Variants in NDST4 observed in about 807,000 individuals in gnomAD.
The protein encoded by NDST4 is N-heparan sulfate sulfotransferase 4.
In NDST4, 63 loss-of-function variants were observed where a neutral mutation model predicts 100.8. The ratio of observed to expected loss-of-function variants is 0.62; its 90% CI spans 0.51 to 0.77. The LOEUF is 0.77. Among genes scored for constraint, NDST4 ranks in the 30% least tolerant of loss-of-function variants. The pLI is 0.00. For missense variants in NDST4, 943 were observed against 1,018.4 expected, an observed-to-expected ratio of 0.93 and a Z score of 1.01; for synonymous variants, 377 against 361.8, an observed-to-expected ratio of 1.04 and a Z score of -0.48.
chr4:114,933,866 G>A (rs1304266117), intron 6 of NDST4, among the ~76,000 whole-genome samples: 1 of 152,122 alleles, frequency 6.6e-6, no homozygotes, highest in East Asian at 1.9e-4. Context: ...CAAAGTTGGC[G>A]AGGATGTGGA....
In NDST4 at chr4:115,113,164, G is replaced by C. The variant is rs149472506; in HGVS notation, c.-247+280C>G. ...CAAATAAGATATTTCCTATGCAAAT[G>C]TTCCGGCAACTGTTTAAATTTTATC... On this transcript the variant is annotated intron_variant, in intron 1 of 13. Transcript: ENST00000264363. Among the ~76,000 whole-genome samples, 164 of 151,980 alleles carry C rather than the reference G, an allele frequency of 1.1e-3. 1 individual carries two copies. Among genetic ancestry groups the C allele is most frequent in the African/African-American group, 3.9e-3 (161 of 41,510 alleles).
chr4:115,042,929 A>C (rs1359821442), intron 2 of NDST4, among the ~76,000 whole-genome samples: 1 of 152,040 alleles, frequency 6.6e-6, no homozygotes, highest in Non-Finnish European at 1.5e-5. Context: ...CTCCAAGCTT[A>C]ACAATACTAG....
At chr4:114,891,686 C>T (rs1187631646) in intron 6 of NDST4, among the ~76,000 whole-genome samples, 9 of 152,180 alleles carry the variant, frequency 5.9e-5, no homozygotes, top group East Asian at 5.8e-4. Flanking sequence ...CTTCATTCAG[C>T]ACCAAACACT....
intron 4 of NDST4, among the ~76,000 whole-genome samples, chr4:114,950,793 A>T (rs77141438): frequency 0.012 from 1,794 of 150,478 alleles, 42 homozygotes; most frequent in African/African-American, 0.04. Context: ...TCAGTTGTTC[A>T]TTTTTTTTTC....
chr4:114,861,969 G>A (rs1723927504), intron 7 of NDST4, among the ~76,000 whole-genome samples: 1 of 152,076 alleles, frequency 6.6e-6, no homozygotes, highest in African/African-American at 2.4e-5. Flanking sequence ...TTGTGTGTAT[G>A]TTTGTAATGT....
chr4:114,949,603 T>C (rs1280705410), intron 4 of NDST4, among the ~76,000 whole-genome samples: 2 of 151,962 alleles, frequency 1.3e-5, no homozygotes, highest in African/African-American at 4.8e-5. Context: ...AATGGGACCA[T>C]ACAGCAGGTT....
chr4:115,050,137 T>TA (rs1291990332), intron 2 of NDST4, among the ~76,000 whole-genome samples: 2 of 152,276 alleles, frequency 1.3e-5, no homozygotes, highest in East Asian at 3.9e-4. Context: ...TTCCTTCCCA[T>TA]AAAAACACAA....
chr4:114,873,637 A>G (rs1724196907), intron 6 of NDST4, among the ~76,000 whole-genome samples: 1 of 152,064 alleles, frequency 6.6e-6, no homozygotes, highest in African/African-American at 2.4e-5. Flanking sequence ...ATAGCATGGT[A>G]TCAGTAGTTG....
chr4:114,849,588 C>A (rs1182346420), intron 8 of NDST4, among the ~76,000 whole-genome samples: 1 of 152,032 alleles, frequency 6.6e-6, no homozygotes, highest in Non-Finnish European at 1.5e-5. Context: ...TAATGAGTAG[C>A]TAAAGGGAAG....
chr4:114,969,505 C>T (rs1193676983), intron 4 of NDST4, among the ~76,000 whole-genome samples: 2 of 152,032 alleles, frequency 1.3e-5, no homozygotes, highest in African/African-American at 4.8e-5. Context: ...TTTGGTGTTC[C>T]CTTCTTTGTG....
chr4:114,958,336 T>G (rs1726184993), intron 4 of NDST4, among the ~76,000 whole-genome samples: 1 of 147,874 alleles, frequency 6.8e-6, no homozygotes, highest in African/African-American at 2.7e-5. Context: ...AGTCTCTTTG[T>G]AAAACATAGC....
intron 2 of NDST4, among the ~76,000 whole-genome samples, chr4:115,027,746 T>G (rs1192862052): frequency 1.3e-5 from 2 of 151,810 alleles, no homozygotes; most frequent in African/African-American, 2.4e-5. Context: ...TGAACTTCTT[T>G]GGTAAGCATG....
At chr4:115,077,454 A>G (rs1172463654) in intron 1 of NDST4, among the ~76,000 whole-genome samples, 172 bp from the exon 2 acceptor site, 1 of 152,324 alleles carries the variant, frequency 6.6e-6, no homozygotes, top group East Asian at 1.9e-4. Context: ...CCTAGAGTAT[A>G]GTAGATTTTT....
chr4:114,871,703 T>G (rs1199396416), intron 6 of NDST4, among the ~76,000 whole-genome samples: 3 of 152,010 alleles, frequency 2.0e-5, no homozygotes, highest in Middle Eastern at 3.2e-3. Flanking sequence ...CTGATTGAAA[T>G]TGCAGAGATT....
At chr4:114,936,256 C>T (rs7656008) in intron 5 of NDST4, among the ~76,000 whole-genome samples, 24,888 of 152,014 alleles carry the variant, frequency 0.16, 3,069 homozygotes, top group African/African-American at 0.34. Context: ...ATTTCTATGG[C>T]CATCAATGCC....
chr4:114,936,415 G>T lies in NDST4; in HGVS notation c.1407+903C>A, dbSNP rs150713770. ...TGTGTGTGCATTTGCTTTACTCACA[G>T]ATGGCGATTAGATAGAAAAATAAAT... On this transcript the variant is annotated intron_variant, in intron 5 of 13. Transcript: ENST00000264363. Among the ~76,000 whole-genome samples the T allele has an allele frequency of 2.5e-3, 377 of 152,268 alleles. 5 individuals are homozygous for T. Among genetic ancestry groups the T allele is most frequent in the African/African-American group, 8.6e-3 (359 of 41,540 alleles).
intron 2 of NDST4, among the ~76,000 whole-genome samples, chr4:115,021,265 A>C (rs1727809159): frequency 6.6e-6 from 1 of 151,414 alleles, no homozygotes; most frequent in South Asian, 2.1e-4. Context: ...CCACATATAT[A>C]TATTCCACAT....
At chr4:115,012,806 C>T (rs937004744) in intron 2 of NDST4, among the ~76,000 whole-genome samples, 3 of 151,762 alleles carry the variant, frequency 2.0e-5, no homozygotes, top group African/African-American at 7.3e-5. Context: ...CATCAGTAGA[C>T]AAATGGATAA....
rs149064983 is a variant in NDST4, at chr4:114,903,247, C to T, written c.1536+31959G>A. On this transcript the variant is annotated intron_variant, in intron 6 of 13. Transcript: ENST00000264363. Reference sequence around the variant, plus strand: ...GTTAGGCTAGTTAAATATTTTCTCTCGAGGACAGAACTTGTTAAGAAAAAC... The same window carrying T: ...GTTAGGCTAGTTAAATATTTTCTCTTGAGGACAGAACTTGTTAAGAAAAAC... 1.5e-3 allele frequency among the ~76,000 whole-genome samples: 235 copies of T among 152,144 alleles called. 1 individual carries two copies. The highest frequency in any genetic ancestry group is 5.4e-3 in the African/African-American group (224 of 41,548).
Sources: allele counts gnomAD v4.1 joint callset (sites outside exome capture counted in the v4.1 genomes callset), GRCh38; gene constraint gnomAD v4.1.1; transcripts MANE v1.5; gene names NCBI Gene and HGNC (gene_info 2026-07-23, HGNC 2026-07-21).